PDE3A: variants seen among roughly 807,000 people sequenced by gnomAD.
PDE3A encodes the protein cGMP-inhibited 3',5'-cyclic phosphodiesterase 3A.
Under a neutral mutation model 98.3 loss-of-function variants are expected in PDE3A, and 43 were observed. That is an observed-to-expected ratio of 0.44 (90% CI 0.34 to 0.56). The LOEUF is 0.56. Among genes scored for constraint, PDE3A ranks in the 20% least tolerant of loss-of-function variants. The pLI, the probability that PDE3A is intolerant of heterozygous loss-of-function variation, is 0.01. For missense variants in PDE3A, 1,427 were observed against 1,440.7 expected (o/e 0.99, Z 0.15); for synonymous variants, 663 against 567.9 (o/e 1.17, Z -2.38).
chr12:20,502,987 A>T (rs570671913), intron 1 of PDE3A, among the ~76,000 whole-genome samples: 2 of 152,234 alleles, frequency 1.3e-5, no homozygotes, highest in South Asian at 2.1e-4. Context: ...AATGGAGATG[A>T]TGCATATCTC....
intron 1 of PDE3A, among the ~76,000 whole-genome samples, chr12:20,435,899 C>T (rs553918207): frequency 6.6e-6 from 1 of 152,146 alleles, no homozygotes; most frequent in South Asian, 2.1e-4. Flanking sequence ...CATCCCACCC[C>T]TGCTTTTTTG....
At chr12:20,408,436 C>A (rs2028744) in intron 1 of PDE3A, among the ~76,000 whole-genome samples, 1,843 of 152,252 alleles carry the variant, frequency 0.012, 17 homozygotes, top group Middle Eastern at 0.044. Flanking sequence ...GTTTAATTTA[C>A]ATGGCTGTTT....
chr12:20,492,092 T>C (rs974216398), intron 1 of PDE3A, among the ~76,000 whole-genome samples: 7 of 152,112 alleles, frequency 4.6e-5, no homozygotes, highest in Non-Finnish European at 8.8e-5. Flanking sequence ...GCTATTCTTA[T>C]GCCTCAGCCT....
chr12:20,612,378 A>G (rs1943880692), intron 2 of PDE3A, among the ~76,000 whole-genome samples: 1 of 150,910 alleles, frequency 6.6e-6, no homozygotes, highest in Non-Finnish European at 1.5e-5. Flanking sequence ...TGTGGCAAAC[A>G]TTTTCTCACA....
At chr12:20,576,989 T>C (rs1194034728) in intron 2 of PDE3A, among the ~76,000 whole-genome samples, 1 of 151,984 alleles carries the variant, frequency 6.6e-6, no homozygotes, top group Non-Finnish European at 1.5e-5. Context: ...ATTGAGGAGT[T>C]AGCACCCTCC....
At chr12:20,396,153 A>C (rs1944013841) in intron 1 of PDE3A, among the ~76,000 whole-genome samples, 2 of 152,262 alleles carry the variant, frequency 1.3e-5, no homozygotes, top group African/African-American at 2.4e-5. Flanking sequence ...AATGAAAAAA[A>C]CCCTCATAGC....
intron 1 of PDE3A, among the ~76,000 whole-genome samples, chr12:20,537,901 A>G (rs1366653074): frequency 6.6e-6 from 1 of 151,562 alleles, no homozygotes; most frequent in Non-Finnish European, 1.5e-5. Flanking sequence ...CTATAGTCAG[A>G]TCTATGACAA....
chr12:20,485,008 T>C (rs1377683018), intron 1 of PDE3A, among the ~76,000 whole-genome samples: 1 of 152,222 alleles, frequency 6.6e-6, no homozygotes, highest in Non-Finnish European at 1.5e-5. Context: ...GCATATTTTA[T>C]TGAGATCAAA....
intron 1 of PDE3A, among the ~76,000 whole-genome samples, chr12:20,460,786 G>T (rs368788883): frequency 6.6e-6 from 1 of 152,126 alleles, no homozygotes. Flanking sequence ...GGAACTTGGC[G>T]ATCTCAGAGG....
chr12:20,431,432 T>G (rs4762958), intron 1 of PDE3A, among the ~76,000 whole-genome samples: 6,221 of 152,132 alleles, frequency 0.041, 168 homozygotes, highest in South Asian at 0.062. Context: ...GAGAAAAAGG[T>G]TTTTATTAGT....
intron 1 of PDE3A, among the ~76,000 whole-genome samples, chr12:20,487,173 C>G (rs1310100902): frequency 6.6e-6 from 1 of 151,738 alleles, no homozygotes; most frequent in Admixed American, 6.6e-5. Context: ...AGTGTGTGTT[C>G]ACATGCCTAT....
chr12:20,552,397 T>C lies in PDE3A; in HGVS notation c.961-4263T>C. On this transcript the variant is annotated intron_variant, in intron 1 of 15. Transcript: ENST00000359062. The surrounding 1 kb of genome is among the most constrained non-coding windows in gnomAD (Gnocchi z 5.1). ...GAGGGACGATGATGAGCCCGGCCCTTGGACGAAGGAGGGGAAGGACCGGAT... is the reference window on the plus strand; with the variant it reads ...GAGGGACGATGATGAGCCCGGCCCTCGGACGAAGGAGGGGAAGGACCGGAT... The C allele has an allele frequency of 8.7e-6, 14 of 1,612,884 alleles. No individual in the cohort carries two copies. The highest frequency in any genetic ancestry group is 1.1e-5 in the Non-Finnish European group (13 of 1,179,736).
chr12:20,546,981 C>G (rs1250824728), intron 1 of PDE3A, among the ~76,000 whole-genome samples: 1 of 152,026 alleles, frequency 6.6e-6, no homozygotes, highest in African/African-American at 2.4e-5. Flanking sequence ...AAATATATAG[C>G]TATGATCACA....
In PDE3A at chr12:20,637,107, C is replaced by A. The variant is rs1944531627; in HGVS notation, c.2009C>A (p.Pro670Gln). 6.2e-7 allele frequency: 1 copy of A among 1,604,054 alleles called. No individual in the cohort carries two copies. Among genetic ancestry groups the A allele is most frequent in the Non-Finnish European group, 8.5e-7 (1 of 1,175,912 alleles). ...TAATGTTAAACATTACAGGACAAAC[C>A]AATTCTTGCTCCCGAACCTCTTGTC... ...APETMMFLDKPILAPEPLVMD... is the reference protein window; with the variant it reads ...APETMMFLDKQILAPEPLVMD... Residue 670 changes from proline to glutamine, a missense_variant, in exon 9 of 16, where the codon CCA (proline) becomes CAA (glutamine). Physicochemically the swap from Pro to Gln is moderately conservative, Grantham distance 76. Coordinates refer to ENST00000359062, the MANE Select transcript of PDE3A (RefSeq NM_000921.5).
intron 1 of PDE3A, among the ~76,000 whole-genome samples, chr12:20,438,230 T>C (rs1944811556): frequency 6.6e-6 from 1 of 152,156 alleles, no homozygotes. Context: ...CCACAGGTGT[T>C]CAGCCCCCTA....
At chr12:20,497,408 A>T (rs1294062099) in intron 1 of PDE3A, among the ~76,000 whole-genome samples, 2 of 151,688 alleles carry the variant, frequency 1.3e-5, no homozygotes, top group East Asian at 3.9e-4. Context: ...AACTGAATGG[A>T]GGGCTGTATT....
intron 8 of PDE3A, among the ~76,000 whole-genome samples, chr12:20,635,589 AAAGAAAG>A (rs1334661691): frequency 2.7e-5 from 4 of 148,776 alleles, no homozygotes; most frequent in Non-Finnish European, 3.0e-5. Context: ...AAAAAAAAAA[AAAGAAAG>A]AAAGAAATTA....
At chr12:20,449,536 G>C (rs965809448) in intron 1 of PDE3A, 1 of 239,884 alleles carries the variant, frequency 4.2e-6, no homozygotes, top group South Asian at 1.7e-4. Context: ...AGTGGTAGGC[G>C]GTGGCACGTG....
rs1942809303 is a variant in PDE3A, at chr12:20,571,911, G to A, written c.1011+15201G>A. 3 of 1,052,932 alleles carry A rather than the reference G, an allele frequency of 2.8e-6. No individual in the cohort carries two copies. The African/African-American group carries it at 5.2e-5, about 18-fold the overall frequency. The allele number at this position is 1,052,932 out of a possible 1,614,324, so 65.2% of individuals were successfully genotyped here. On this transcript the variant is annotated intron_variant, in intron 2 of 15. Coordinates refer to ENST00000359062, the MANE Select transcript of PDE3A (RefSeq NM_000921.5). ...GCCACCCATAAGTTGTTCAGGAAATGTTGAATCAATGAATGAGAGTGGGGC... is the reference window on the plus strand; with the variant it reads ...GCCACCCATAAGTTGTTCAGGAAATATTGAATCAATGAATGAGAGTGGGGC...
Sources: gnomAD v4.1 joint callset for allele counts (sites outside exome capture counted in the v4.1 genomes callset) on GRCh38, gnomAD v4.1.1 for gene constraint, Gnocchi (gnomAD v3.1) non-coding constraint, MANE v1.5 for transcripts, NCBI Gene and HGNC (gene_info 2026-07-23, HGNC 2026-07-21) for gene names.